Variants in PRR5L observed in about 807,000 individuals in gnomAD.
PRR5L encodes proline-rich protein 5-like.
PRR5L carries 21 observed loss-of-function variants against 36.4 expected under a neutral mutation model. The observed-to-expected ratio is 0.58, with a 90% CI of 0.41 to 0.83. The LOEUF (loss-of-function observed/expected upper bound fraction) is 0.83. Ranked by LOEUF, PRR5L falls within the 40% of genes least tolerant of loss-of-function variation. The pLI, the probability that PRR5L is intolerant of heterozygous loss-of-function variation, is 0.00. For missense variants in PRR5L, 381 were observed against 473.3 expected, an observed-to-expected ratio of 0.80 and a Z score of 1.81; for synonymous variants, 188 against 197.0, an observed-to-expected ratio of 0.95 and a Z score of 0.38.
intron 2 of PRR5L, among the ~76,000 whole-genome samples, chr11:36,402,232 C>T (rs1435440065): frequency 2.6e-5 from 4 of 152,082 alleles, no homozygotes; most frequent in Non-Finnish European, 5.9e-5. Flanking sequence ...TAGTTTGGAT[C>T]GTTATGGATC....
chr11:36,351,246 A>C (rs572986116), intron 1 of PRR5L, among the ~76,000 whole-genome samples: 30 of 74,576 alleles, frequency 4.0e-4, no homozygotes, highest in African/African-American at 1.7e-3. Flanking sequence ...ATTTATATAT[A>C]TTTTTATATA....
At chr11:36,315,967 C>A (rs1294330840) in intron 1 of PRR5L, among the ~76,000 whole-genome samples, 1 of 152,188 alleles carries the variant, frequency 6.6e-6, no homozygotes, top group Non-Finnish European at 1.5e-5. Context: ...CTAAGAGCCT[C>A]CAGATGTCTG....
chr11:36,405,231 G>A (rs1260864077), intron 3 of PRR5L, among the ~76,000 whole-genome samples: 1 of 152,170 alleles, frequency 6.6e-6, no homozygotes, highest in African/African-American at 2.4e-5. Context: ...CAGTGAGATC[G>A]TGCCCTCTGT....
chr11:36,438,513 A>G (rs1858652137), intron 6 of PRR5L, among the ~76,000 whole-genome samples: 1 of 152,210 alleles, frequency 6.6e-6, no homozygotes, highest in Non-Finnish European at 1.5e-5. Flanking sequence ...GACCCACCCC[A>G]TAACATTTCC....
chr11:36,376,738 G>GC (rs1444315800), intron 1 of PRR5L: 1 of 984,432 alleles, frequency 1.0e-6, no homozygotes, highest in Non-Finnish European at 1.2e-6. Context: ...TCTGGGAGGG[G>GC]CCGGAGTCAT....
At chr11:36,340,436 A>G (rs1312801567) in intron 1 of PRR5L, among the ~76,000 whole-genome samples, 1 of 152,172 alleles carries the variant, frequency 6.6e-6, no homozygotes, top group Non-Finnish European at 1.5e-5. Context: ...AACTGATAAT[A>G]ATGATACAGA....
intron 6 of PRR5L, among the ~76,000 whole-genome samples, chr11:36,442,791 A>C (rs1590596473): frequency 6.6e-6 from 1 of 152,190 alleles, no homozygotes; most frequent in Admixed American, 6.5e-5. Context: ...CCTCATTTCC[A>C]CTTGAGACCA....
chr11:36,320,675 G>A (rs893195114), intron 1 of PRR5L, among the ~76,000 whole-genome samples: 1 of 152,208 alleles, frequency 6.6e-6, no homozygotes, highest in African/African-American at 2.4e-5. Flanking sequence ...TGCTTAGAAA[G>A]GCAGAGTGTG....
At chr11:36,371,736 A>G (rs570463574) in intron 1 of PRR5L, among the ~76,000 whole-genome samples, 69 of 152,314 alleles carry the variant, frequency 4.5e-4, no homozygotes, top group African/African-American at 1.6e-3. Flanking sequence ...TTTCACACCT[A>G]TTGTATCTCA....
At position 36,463,872 on chromosome 11, in the gene PRR5L, T is replaced by C; in HGVS notation, c.*1136T>C. Reference sequence around the variant, plus strand: ...GTAAATTCGTAAATTTCATGGTTTCTAGGAAAAGCTGCATTGGGGTGGGGA... The same window carrying C: ...GTAAATTCGTAAATTTCATGGTTTCCAGGAAAAGCTGCATTGGGGTGGGGA... On this transcript the variant is annotated 3_prime_UTR_variant, in exon 9 of 9. Coordinates refer to ENST00000530639, the MANE Select transcript of PRR5L (RefSeq NM_001160167.2). The C allele has an allele frequency of 6.6e-6, 1 of 152,144 alleles. No individual in the cohort carries two copies. The highest frequency in any genetic ancestry group is 2.1e-4 in the South Asian group (1 of 4,830). 9.4% of individuals were successfully genotyped at this position (152,144 alleles called of 1,614,324 possible). A position where few individuals can be genotyped will look rare whatever the true frequency, so the allele number is the denominator to read the frequency against.
At chr11:36,325,550 C>A (rs767145457) in intron 1 of PRR5L, among the ~76,000 whole-genome samples, 1 of 152,192 alleles carries the variant, frequency 6.6e-6, no homozygotes, top group Non-Finnish European at 1.5e-5. Flanking sequence ...TTGTCCCTGG[C>A]GCTGTGCTCT....
chr11:36,381,622 C>G (rs1468797893), intron 1 of PRR5L: 1 of 152,076 alleles, frequency 6.6e-6, no homozygotes, highest in African/African-American at 2.4e-5. Context: ...CTGGAACTGG[C>G]TCAATATCAT....
chr11:36,406,637 C>A (rs1405648562), intron 3 of PRR5L, among the ~76,000 whole-genome samples: 1 of 152,164 alleles, frequency 6.6e-6, no homozygotes, highest in South Asian at 2.1e-4. Flanking sequence ...CAAGTAGACA[C>A]TTGGGTTTTG....
intron 6 of PRR5L, among the ~76,000 whole-genome samples, chr11:36,443,616 T>C (rs1384548162): frequency 6.6e-6 from 1 of 152,228 alleles, no homozygotes; most frequent in Non-Finnish European, 1.5e-5. Context: ...TAATTTTGCA[T>C]ATGACACACA....
At chr11:36,327,188 C>G (rs1856673047) in intron 1 of PRR5L, among the ~76,000 whole-genome samples, 1 of 152,156 alleles carries the variant, frequency 6.6e-6, no homozygotes, top group Non-Finnish European at 1.5e-5. Flanking sequence ...TGACTGTAAA[C>G]CAAAAATAAA....
chr11:36,315,675 A>C (rs1396284960), intron 1 of PRR5L, among the ~76,000 whole-genome samples: 1 of 152,242 alleles, frequency 6.6e-6, no homozygotes, highest in East Asian at 1.9e-4. Context: ...AACTGTGAGC[A>C]ATTGGCCATA....
At chr11:36,307,929 T>C (rs1222163704) in intron 1 of PRR5L, among the ~76,000 whole-genome samples, 2 of 152,228 alleles carry the variant, frequency 1.3e-5, no homozygotes, top group Non-Finnish European at 2.9e-5. Flanking sequence ...GAAATCTCTT[T>C]CTTTTTTCCA....
chr11:36,343,922 A>G (rs917045587), intron 1 of PRR5L, among the ~76,000 whole-genome samples: 1 of 151,760 alleles, frequency 6.6e-6, no homozygotes, highest in African/African-American at 2.4e-5. Flanking sequence ...TTTTTTTAAA[A>G]TATCACATGC....
chr11:36,357,772 T>C (rs761670214), intron 1 of PRR5L, among the ~76,000 whole-genome samples: 15 of 152,092 alleles, frequency 9.9e-5, no homozygotes, highest in Admixed American at 2.6e-4. Context: ...CACCCAGAAG[T>C]TGTGATAAAG....
Sources: allele counts gnomAD v4.1 joint callset (sites outside exome capture counted in the v4.1 genomes callset), GRCh38; gene constraint gnomAD v4.1.1; transcripts MANE v1.5; gene names NCBI Gene and HGNC (gene_info 2026-07-23, HGNC 2026-07-21).